PDE8B: variants seen among roughly 807,000 people sequenced by gnomAD.
PDE8B encodes the protein high affinity cAMP-specific and IBMX-insensitive 3',5'-cyclic phosphodiesterase 8B.
A neutral mutation model predicts 101.3 loss-of-function variants in PDE8B; 26 were observed. That is an observed-to-expected ratio of 0.26 (90% CI 0.19 to 0.36). The LOEUF (loss-of-function observed/expected upper bound fraction) is 0.36. Ranked by LOEUF, PDE8B falls within the 10% of genes least tolerant of loss-of-function variation. PDE8B has a pLI of 1.00. For synonymous variants in PDE8B, 424 were observed against 429.3 expected, an observed-to-expected ratio of 0.99 and a Z score of 0.15; for missense variants, 810 against 1,163.1, an observed-to-expected ratio of 0.70 and a Z score of 4.42.
the PDE8B span, among the ~76,000 whole-genome samples, chr5:77,091,540 C>T: frequency 6.6e-6 from 1 of 151,958 alleles, no homozygotes; most frequent in Non-Finnish European, 1.5e-5. Flanking sequence ...TACCTGGGAG[C>T]CTGAGGCGGG....
chr5:77,416,589 A>G (rs762786109), intron 17 of PDE8B, among the ~76,000 whole-genome samples: 2 of 152,218 alleles, frequency 1.3e-5, no homozygotes, highest in Non-Finnish European at 2.9e-5. Context: ...CTATTCAGGA[A>G]GCCTAGTTGT....
chr5:77,185,052 C>T, the PDE8B span, among the ~76,000 whole-genome samples: 1 of 152,108 alleles, frequency 6.6e-6, no homozygotes, highest in African/African-American at 2.4e-5. Flanking sequence ...GGAGAATCAA[C>T]ACCTGCTTGT....
chr5:77,326,267 G>A (rs1218223942), intron 3 of PDE8B, among the ~76,000 whole-genome samples: 1 of 152,144 alleles, frequency 6.6e-6, no homozygotes, highest in Non-Finnish European at 1.5e-5. Context: ...TGCACTCTGG[G>A]GAGGAAACAC....
chr5:77,309,388 C>G (rs952054013), intron 1 of PDE8B, among the ~76,000 whole-genome samples: 7 of 152,034 alleles, frequency 4.6e-5, no homozygotes, highest in African/African-American at 1.2e-4. Flanking sequence ...CCTTCCAATG[C>G]GAGTCACTTT....
intron 1 of PDE8B, among the ~76,000 whole-genome samples, chr5:77,246,192 TA>T (rs969008262): frequency 7.6e-4 from 115 of 151,396 alleles, no homozygotes; most frequent in South Asian, 1.3e-3. Context: ...GTCATAATAT[TA>T]AAAAAAAATG....
intron 17 of PDE8B, among the ~76,000 whole-genome samples, chr5:77,417,796 A>C (rs1443943868): frequency 6.6e-6 from 1 of 152,096 alleles, no homozygotes; most frequent in Non-Finnish European, 1.5e-5. Flanking sequence ...CTACAGCTCT[A>C]GTCATTTCAC....
intron 2 of PDE8B, among the ~76,000 whole-genome samples, chr5:77,318,055 C>CAAAA (rs55952764): frequency 0.19 from 10,709 of 56,946 alleles, 1,159 homozygotes; most frequent in Non-Finnish European, 0.26. Context: ...GACTCCATCT[C>CAAAA]AAAAAAAAAA....
the PDE8B span, among the ~76,000 whole-genome samples, chr5:77,136,305 GTT>G: frequency 6.6e-6 from 1 of 151,856 alleles, no homozygotes; most frequent in East Asian, 1.9e-4. Context: ...GTTTTGTTTT[GTT>G]TGGTTTGACT....
chr5:77,181,455 G>A, the PDE8B span, among the ~76,000 whole-genome samples: 2 of 152,186 alleles, frequency 1.3e-5, no homozygotes, highest in East Asian at 3.9e-4. Flanking sequence ...ACTGTTGGGA[G>A]AGGTGAGGCT....
chr5:77,377,141 G>T (rs990054949), intron 10 of PDE8B, among the ~76,000 whole-genome samples: 1 of 152,176 alleles, frequency 6.6e-6, no homozygotes, highest in African/African-American at 2.4e-5. Flanking sequence ...TAGCCGCTCA[G>T]CAGAGCACCC....
intron 17 of PDE8B, among the ~76,000 whole-genome samples, chr5:77,416,449 G>T (rs951130396): frequency 6.6e-6 from 1 of 152,182 alleles, no homozygotes; most frequent in Admixed American, 6.5e-5. Flanking sequence ...CTTGGAGATC[G>T]CTGAACGTGC....
intron 10 of PDE8B, among the ~76,000 whole-genome samples, chr5:77,371,938 C>T (rs892046282): frequency 6.6e-6 from 1 of 152,156 alleles, no homozygotes; most frequent in Admixed American, 6.5e-5. Flanking sequence ...CAGTGGCTCA[C>T]GCCTGTAATC....
intron 1 of PDE8B, among the ~76,000 whole-genome samples, chr5:77,280,677 C>A (rs1319071220): frequency 6.6e-6 from 1 of 152,094 alleles, no homozygotes; most frequent in Non-Finnish European, 1.5e-5. Flanking sequence ...GGGTGGATCA[C>A]AAGGTCAGGA....
the PDE8B span, among the ~76,000 whole-genome samples, chr5:77,185,158 G>T: frequency 2.0e-5 from 3 of 152,214 alleles, no homozygotes; most frequent in East Asian, 3.8e-4. Flanking sequence ...GTGGAGACAA[G>T]GAAATGCTTT....
chr5:77,156,676 CAGTG>C, the PDE8B span, among the ~76,000 whole-genome samples: 2 of 152,018 alleles, frequency 1.3e-5, no homozygotes, highest in East Asian at 3.9e-4. Flanking sequence ...AACAGGATCA[CAGTG>C]AGAGCAGAGA....
intron 10 of PDE8B, among the ~76,000 whole-genome samples, chr5:77,375,466 A>T (rs1046225321): frequency 1.3e-5 from 2 of 152,210 alleles, no homozygotes; most frequent in African/African-American, 4.8e-5. Flanking sequence ...TTTTCAGCAT[A>T]ATAGTACCAG....
chr5:77,233,871 A>G (rs1224533245), intron 1 of PDE8B, among the ~76,000 whole-genome samples: 5 of 151,698 alleles, frequency 3.3e-5, no homozygotes, highest in African/African-American at 1.2e-4. Flanking sequence ...AATGGAAGCG[A>G]GTCAATTTAA....
At chr5:77,349,663 A>G in intron 8 of PDE8B, 104 bp downstream of exon 8, 1 of 1,278,330 alleles carries the variant, frequency 7.8e-7, no homozygotes, top group Non-Finnish European at 1.1e-6. Context: ...TAATAATGTC[A>G]TAATTAAGTG....
chr5:77,310,197 C>T (rs1772279492), intron 1 of PDE8B, among the ~76,000 whole-genome samples: 1 of 151,862 alleles, frequency 6.6e-6, no homozygotes, highest in Non-Finnish European at 1.5e-5. Context: ...GTGATCTGCC[C>T]ACCTCGGCCT....
Sources: allele counts gnomAD v4.1 joint callset (sites outside exome capture counted in the v4.1 genomes callset), GRCh38; gene constraint gnomAD v4.1.1; transcripts MANE v1.5; gene names NCBI Gene and HGNC (gene_info 2026-07-23, HGNC 2026-07-21).